ATP2C2: variants seen among roughly 807,000 people sequenced by gnomAD.
ATP2C2 encodes the protein ATPase secretory pathway Ca2+ transporting 2, also known as calcium-transporting ATPase type 2C member 2.
A neutral mutation model predicts 110.8 loss-of-function variants in ATP2C2; 171 were observed. That is an observed-to-expected ratio of 1.54 (90% CI 1.36 to 1.75). The LOEUF is 1.75. Among genes scored for constraint, ATP2C2 ranks in the 40% most tolerant of loss-of-function variants. The probability of loss-of-function intolerance (pLI) is 0.00; values close to 1 mark genes in which losing one functional copy is unlikely to be tolerated. For missense variants in ATP2C2, 1,963 were observed against 1,235.0 expected (o/e 1.59, Z -8.84); for synonymous variants, 804 against 508.4 (o/e 1.58, Z -7.82).
intron 9 of ATP2C2, 23 bp downstream of exon 9, chr16:84,422,720 G>A (rs780354997): frequency 2.3e-5 from 37 of 1,589,190 alleles, no homozygotes; most frequent in East Asian, 2.0e-4. Flanking sequence ...AGGGGGCTTC[G>A]GGACTTTTGT....
At chr16:84,395,514 A>C (rs980172562) in intron 1 of ATP2C2, among the ~76,000 whole-genome samples, 4 of 149,770 alleles carry the variant, frequency 2.7e-5, no homozygotes, top group African/African-American at 9.9e-5. Context: ...GCTGGAGTGC[A>C]GTGGCATGAT....
intron 11 of ATP2C2, among the ~76,000 whole-genome samples, chr16:84,435,259 G>A (rs897484224): frequency 2.0e-5 from 3 of 152,222 alleles, no homozygotes; most frequent in East Asian, 3.8e-4. Context: ...AAAACATGGT[G>A]TTACTGATTA....
chr16:84,430,270 G>A (rs1367473725), intron 11 of ATP2C2, among the ~76,000 whole-genome samples: 1 of 152,178 alleles, frequency 6.6e-6, no homozygotes, highest in Non-Finnish European at 1.5e-5. Flanking sequence ...AGGACAAGGA[G>A]GCCTGAGCCA....
intron 17 of ATP2C2, 133 bp downstream of exon 17, chr16:84,448,822 T>C: frequency 1.6e-6 from 2 of 1,247,042 alleles, no homozygotes; most frequent in Non-Finnish European, 2.2e-6. Context: ...ACGGCAATAA[T>C]GTGTGCTTGG....
chr16:84,451,984 T>C lies in ATP2C2; in HGVS notation c.1724T>C (p.Ile575Thr), dbSNP rs777477523. 2.5e-5 allele frequency: 41 copies of C among 1,613,732 alleles called. No individual in the cohort carries two copies. The highest frequency in any genetic ancestry group is 1.6e-4 in the Middle Eastern group (1 of 6,084). The stretch of plus-strand genomic sequence containing the variant: ...ACGTTTCTCGGTCTTGTGGGCATCA[T>C]TGACCCCCCGAGAGTTGGCGTGAAG... ...RLTFLGLVGI[I>T]DPPRVGVKEA... The change falls in exon 18 of 27, where the codon ATT becomes ACT. Residue 575 changes from isoleucine (I) to threonine (T), a missense_variant. By Grantham distance (89) the Ile-to-Thr change is moderately conservative. Transcript: ENST00000262429.
rs542731094 is a variant in ATP2C2 at position 84,454,037 on chromosome 16, C to T, written c.1980+666C>T. Among the ~76,000 whole-genome samples the T allele has an allele frequency of 2.1e-4, 32 of 152,274 alleles. 1 individual carries two copies. Among genetic ancestry groups the T allele is most frequent in the African/African-American group, 6.3e-4 (26 of 41,552 alleles). On this transcript the variant is annotated intron_variant, in intron 20 of 26. Coordinates refer to ENST00000262429, the MANE Select transcript of ATP2C2 (RefSeq NM_014861.4). ...TGTAATTTTAGTAGAGGCAGGGTTT[C>T]GCCATGTTGGCCAGGCTGGTCTCAA...
chr16:84,419,208 TAAAAAAAAAA>T (rs59552270), intron 7 of ATP2C2, among the ~76,000 whole-genome samples: 576 of 47,510 alleles, frequency 0.012, 6 homozygotes, highest in African/African-American at 0.036. Flanking sequence ...ACCCCATCTT[TAAAAAAAAAA>T]AAAAAAAAAA....
chr16:84,376,535 A>ATTTT (rs5741976), intron 1 of ATP2C2, among the ~76,000 whole-genome samples: 3 of 145,088 alleles, frequency 2.1e-5, no homozygotes, highest in Non-Finnish European at 4.6e-5. Context: ...TTTTTTGGCA[A>ATTTT]TTTTTTTTTT....
intron 16 of ATP2C2, among the ~76,000 whole-genome samples, chr16:84,448,155 A>T (rs1351705142): frequency 6.6e-6 from 1 of 152,126 alleles, no homozygotes; most frequent in Non-Finnish European, 1.5e-5. Context: ...GTGCTGCCCT[A>T]GGGAGGCAAC....
At chr16:84,437,061 C>G (rs1021384539) in intron 11 of ATP2C2, among the ~76,000 whole-genome samples, 1 of 152,154 alleles carries the variant, frequency 6.6e-6, no homozygotes, top group Non-Finnish European at 1.5e-5. Context: ...CACACCCGGC[C>G]TTTTTCTTTC....
intron 1 of ATP2C2, among the ~76,000 whole-genome samples, chr16:84,391,925 TTA>T (rs869199409): frequency 2.0e-5 from 3 of 151,960 alleles, no homozygotes; most frequent in African/African-American, 2.4e-5. Flanking sequence ...CTTTTTTTTT[TTA>T]AAACAAAACT....
intron 6 of ATP2C2, among the ~76,000 whole-genome samples, chr16:84,411,875 G>C (rs67835142): frequency 0.14 from 21,470 of 152,244 alleles, 1,632 homozygotes; most frequent in East Asian, 0.25. Context: ...GCCATTGGTG[G>C]AGGAAGCTGA....
chr16:84,449,017 C>A (rs1910015350), intron 17 of ATP2C2, among the ~76,000 whole-genome samples: 1 of 152,226 alleles, frequency 6.6e-6, no homozygotes, highest in African/African-American at 2.4e-5. Flanking sequence ...TCAGGAAAAC[C>A]CGAAGTTCTT....
intron 17 of ATP2C2, 69 bp from the exon 18 acceptor site, chr16:84,451,850 AAC>A: frequency 1.4e-6 from 2 of 1,448,438 alleles, no homozygotes; most frequent in Non-Finnish European, 1.9e-6. Context: ...AAACAACAAC[AAC>A]AACCAACAAC....
At chr16:84,461,667 G>T (rs771397782) in intron 24 of ATP2C2, 47 bp from the exon 25 acceptor site, 14 of 1,553,038 alleles carry the variant, frequency 9.0e-6, no homozygotes, top group Non-Finnish European at 1.2e-5. Flanking sequence ...TCAGGATGGA[G>T]GTTGTCTCTT....
At chr16:84,411,779 T>G (rs1906317461) in intron 6 of ATP2C2, among the ~76,000 whole-genome samples, 1 of 152,188 alleles carries the variant, frequency 6.6e-6, no homozygotes, top group Non-Finnish European at 1.5e-5. Context: ...ATTTTAATTT[T>G]TATTTAAATA....
rs1014428098 is a variant in ATP2C2 at position 84,463,787 on chromosome 16, G to C, written c.*55G>C. 3 of 1,478,908 alleles carry C rather than the reference G, an allele frequency of 2.0e-6. No homozygotes were observed. The highest frequency in any genetic ancestry group is 2.8e-6 in the Non-Finnish European group (3 of 1,058,762). 91.6% of individuals were successfully genotyped at this position (1,478,908 alleles called of 1,614,324 possible). On this transcript the variant is annotated 3_prime_UTR_variant, in exon 27 of 27. Transcript: ENST00000262429. ...TCATCTCGATCTGGTTGTGACTGTGGCCCCTGCCGTGTCTCCTCGTCAGGG... is the reference window on the plus strand; with the variant it reads ...TCATCTCGATCTGGTTGTGACTGTGCCCCCTGCCGTGTCTCCTCGTCAGGG...
intron 17 of ATP2C2, among the ~76,000 whole-genome samples, chr16:84,449,358 C>G (rs1251740941): frequency 6.6e-6 from 1 of 152,236 alleles, no homozygotes; most frequent in Non-Finnish European, 1.5e-5. Flanking sequence ...GAAGCCAGCG[C>G]CGAGCACGTG....
At chr16:84,430,823 A>G (rs1324430026) in intron 11 of ATP2C2, among the ~76,000 whole-genome samples, 5 of 152,136 alleles carry the variant, frequency 3.3e-5, no homozygotes, top group East Asian at 3.9e-4. Context: ...CACTAGCACA[A>G]CTTATGGGAT....
Sources: allele counts gnomAD v4.1 joint callset (sites outside exome capture counted in the v4.1 genomes callset), GRCh38; gene constraint gnomAD v4.1.1; transcripts MANE v1.5; gene names NCBI Gene and HGNC (gene_info 2026-07-23, HGNC 2026-07-21).